ULK4: variants seen among roughly 807,000 people sequenced by gnomAD.
ULK4 encodes unc-51 like kinase 4.
ULK4 carries 133 observed loss-of-function variants against 160.6 expected under a neutral mutation model. The observed-to-expected ratio is 0.83, with a 90% CI of 0.72 to 0.96. ULK4 has a LOEUF of 0.96. Ranked by LOEUF, ULK4 falls within the 40% of genes least tolerant of loss-of-function variation. The pLI, the probability that ULK4 is intolerant of heterozygous loss-of-function variation, is 0.00. For synonymous variants in ULK4, 534 were observed against 539.8 expected, an observed-to-expected ratio of 0.99 and a Z score of 0.15; for missense variants, 1,580 against 1,499.5, an observed-to-expected ratio of 1.05 and a Z score of -0.89.
At chr3:41,368,444 G>A (rs760556851) in intron 35 of ULK4, among the ~76,000 whole-genome samples, 17 of 152,108 alleles carry the variant, frequency 1.1e-4, no homozygotes, top group Non-Finnish European at 1.9e-4. Context: ...TTCACAGAAC[G>A]TGCAATCATC....
intron 35 of ULK4, among the ~76,000 whole-genome samples, chr3:41,261,544 T>G (rs1408105547): frequency 6.6e-6 from 1 of 152,210 alleles, no homozygotes; most frequent in Non-Finnish European, 1.5e-5. Flanking sequence ...AGTAAGCAAC[T>G]GACTAAGCCG....
At chr3:41,715,365 G>A (rs1441131122) in intron 24 of ULK4, 72 bp from the exon 25 acceptor site, 1 of 1,606,912 alleles carries the variant, frequency 6.2e-7, no homozygotes, top group African/African-American at 1.3e-5. Flanking sequence ...AAAAAAAAAT[G>A]TTTTGAGTTG....
In ULK4 at chr3:41,477,986, C is replaced by T. The variant is rs555821379; in HGVS notation, c.3227-14733G>A. Among the ~76,000 whole-genome samples the T allele has an allele frequency of 2.0e-5, 3 of 152,376 alleles. No homozygotes were observed. In the South Asian group the frequency reaches 6.2e-4, roughly 32 times the overall value. On this transcript the variant is annotated intron_variant, in intron 32 of 36. Coordinates refer to ENST00000301831, the MANE Select transcript of ULK4 (RefSeq NM_017886.4). The stretch of plus-strand genomic sequence containing the variant: ...TGCTAATACAAGACCACATAGGTGT[C>T]TACATTGTGCTTGTCACCAGGCCAA...
chr3:41,504,932 A>C (rs1408673961), intron 32 of ULK4, among the ~76,000 whole-genome samples: 1 of 152,134 alleles, frequency 6.6e-6, no homozygotes, highest in Non-Finnish European at 1.5e-5. Flanking sequence ...TCTATATACC[A>C]ATATTAACTC....
At chr3:41,952,483 A>G (rs548328090) in intron 2 of ULK4, among the ~76,000 whole-genome samples, 53 of 152,300 alleles carry the variant, frequency 3.5e-4, no homozygotes, top group African/African-American at 1.2e-3. Flanking sequence ...CAGCATCACT[A>G]GTCATTAGGG....
intron 30 of ULK4, among the ~76,000 whole-genome samples, chr3:41,629,406 G>C (rs2125701265): frequency 6.6e-6 from 1 of 152,266 alleles, no homozygotes; most frequent in Middle Eastern, 3.4e-3. Context: ...CTGCATGATA[G>C]CTGGGTGCCA....
Position 41,931,847 on chromosome 3 carries a change from T to C in ULK4, c.538A>G (p.Lys180Glu). Reference protein sequence around the residue: ...VLKKSMKSRVKGSPVYTAPEV... With the variant: ...VLKKSMKSRVEGSPVYTAPEV... Reference sequence around the variant, plus strand: ...TAAGCTTTCCAGGTCCACATACCTTTGACTCTACTTTTCATGCTTTTCTTC... The same window carrying C: ...TAAGCTTTCCAGGTCCACATACCTTCGACTCTACTTTTCATGCTTTTCTTC... Residue 180 changes from lysine (K) to glutamate (E), a missense_variant, in exon 5 of 37, where the codon AAA (lysine) becomes GAA (glutamate). Transcript: ENST00000301831. 6.2e-7 allele frequency: 1 copy of C among 1,614,122 alleles called. No homozygotes were observed. The highest frequency in any genetic ancestry group is 8.5e-7 in the Non-Finnish European group (1 of 1,179,996).
intron 12 of ULK4, among the ~76,000 whole-genome samples, chr3:41,906,216 C>CCAAAAAAAA (rs1698552611): frequency 1.5e-5 from 1 of 67,102 alleles, no homozygotes; most frequent in African/African-American, 6.4e-5. Context: ...GACTCCGTCT[C>CCAAAAAAAA]AAAAAAAAAA....
intron 35 of ULK4, among the ~76,000 whole-genome samples, chr3:41,305,510 GT>G (rs1307485012): frequency 6.6e-6 from 1 of 152,206 alleles, no homozygotes; most frequent in Non-Finnish European, 1.5e-5. Flanking sequence ...ACGGAGTCTC[GT>G]TCACTCAGTG....
chr3:41,933,744 T>C (rs576452726), intron 4 of ULK4, among the ~76,000 whole-genome samples: 2 of 148,956 alleles, frequency 1.3e-5, no homozygotes, highest in East Asian at 2.0e-4. Flanking sequence ...AAAAAATTAA[T>C]AAAAAAAAAA....
rs974499387 is a variant in ULK4 at position 41,951,914 on chromosome 3, G to A, written c.138+2708C>T. Among the ~76,000 whole-genome samples the A allele has an allele frequency of 2.6e-5, 4 of 152,232 alleles. No individual in the cohort carries two copies. In the East Asian group the frequency reaches 7.7e-4, roughly 29 times the overall value. On this transcript the variant is annotated intron_variant, in intron 2 of 36. Coordinates refer to ENST00000301831, the MANE Select transcript of ULK4 (RefSeq NM_017886.4). ...GCCCTTACAAGACACCAAAACTGCT[G>A]GCACCTTAATCCTGGACTTCCCAGC...
intron 31 of ULK4, among the ~76,000 whole-genome samples, chr3:41,587,356 C>T (rs1224375772): frequency 1.3e-5 from 2 of 152,146 alleles, no homozygotes; most frequent in Admixed American, 6.5e-5. Context: ...GTTAGGCCCA[C>T]CTGCATAATC....
At chr3:41,581,570 AT>A (rs1401088879) in intron 31 of ULK4, among the ~76,000 whole-genome samples, 3 of 152,340 alleles carry the variant, frequency 2.0e-5, no homozygotes, top group Non-Finnish European at 2.9e-5. Flanking sequence ...GTTAAAAAAA[AT>A]AATCTCCACT....
intron 30 of ULK4, among the ~76,000 whole-genome samples, chr3:41,661,137 TAATTA>T (rs1340118854): frequency 2.0e-5 from 3 of 152,194 alleles, no homozygotes; most frequent in African/African-American, 7.2e-5. Context: ...CTTTACACTT[TAATTA>T]AATACAGTGA....
intron 18 of ULK4, among the ~76,000 whole-genome samples, chr3:41,833,285 T>G (rs867013005): frequency 1.4e-4 from 18 of 128,534 alleles, no homozygotes; most frequent in African/African-American, 7.4e-4. Flanking sequence ...TTTTTTTTTT[T>G]GTTTTTTTTT....
intron 11 of ULK4, among the ~76,000 whole-genome samples, chr3:41,910,823 C>T (rs1004314725): frequency 1.3e-5 from 2 of 151,950 alleles, no homozygotes; most frequent in African/African-American, 4.8e-5. Context: ...ATTAGCCAGG[C>T]ATGGTGGCAC....
intron 17 of ULK4, among the ~76,000 whole-genome samples, chr3:41,877,934 T>C (rs1223815823): frequency 1.3e-5 from 2 of 151,958 alleles, no homozygotes; most frequent in Non-Finnish European, 2.9e-5. Flanking sequence ...TGAGCCGAGA[T>C]CGCGCCGTCG....
Position 41,410,956 on chromosome 3 carries a change from T to A in ULK4, c.3493-12692A>T, listed in dbSNP as rs527776950. On this transcript the variant is annotated intron_variant, in intron 34 of 36. Transcript: ENST00000301831. ...CCAGTATAACTTCATCTTAACTATA[T>A]CTGCAAAAACACTATTTACAAATAA... Among the ~76,000 whole-genome samples, 15 of 152,332 alleles carry A rather than the reference T, an allele frequency of 9.8e-5. No homozygotes were observed. In the South Asian group the frequency reaches 2.9e-3, roughly 29 times the overall value.
At chr3:41,821,525 A>T (rs1469370984) in intron 18 of ULK4, among the ~76,000 whole-genome samples, 1 of 152,342 alleles carries the variant, frequency 6.6e-6, no homozygotes, top group African/African-American at 2.4e-5. Flanking sequence ...TTATAACAGG[A>T]CAGGTTCCTC....
Sources: allele counts gnomAD v4.1 joint callset (sites outside exome capture counted in the v4.1 genomes callset), GRCh38; gene constraint gnomAD v4.1.1; transcripts MANE v1.5; gene names NCBI Gene and HGNC (gene_info 2026-07-23, HGNC 2026-07-21).